The following SHOC2 variants were observed in gnomAD, a reference collection of about 807,000 sequenced individuals.
SHOC2 encodes leucine-rich repeat protein SHOC-2.
A neutral mutation model predicts 50.2 loss-of-function variants in SHOC2; 4 were observed. The ratio of observed to expected loss-of-function variants is 0.08; its 90% CI spans 0.04 to 0.18. The LOEUF (loss-of-function observed/expected upper bound fraction) is 0.18, where lower values mean the gene tolerates loss of function less well. Among genes scored for constraint, SHOC2 ranks in the 10% least tolerant of loss-of-function variants. The pLI, the probability that SHOC2 is intolerant of heterozygous loss-of-function variation, is 1.00. For missense variants in SHOC2, 388 were observed against 669.6 expected, an observed-to-expected ratio of 0.58 and a Z score of 4.64; for synonymous variants, 218 against 244.5, an observed-to-expected ratio of 0.89 and a Z score of 1.01.
At chr10:110,937,970 C>G (rs574157997) in intron 1 of SHOC2, among the ~76,000 whole-genome samples, 2 of 152,240 alleles carry the variant, frequency 1.3e-5, no homozygotes, top group African/African-American at 4.8e-5. Context: ...GATGGTGATT[C>G]TTCTTTCAAC....
chr10:110,976,520 A>G (rs1210526387), intron 2 of SHOC2, among the ~76,000 whole-genome samples: 4 of 152,026 alleles, frequency 2.6e-5, no homozygotes, highest in African/African-American at 9.7e-5. Context: ...CATATTGCCC[A>G]GAGTGGTCTT....
chr10:110,968,080 A>T (rs557959591), intron 2 of SHOC2, among the ~76,000 whole-genome samples: 18 of 152,276 alleles, frequency 1.2e-4, no homozygotes, highest in Admixed American at 5.2e-4. Flanking sequence ...TTACATTCCT[A>T]CCAGCAGTGT....
At chr10:110,927,587 A>G (rs545102161) in intron 1 of SHOC2, among the ~76,000 whole-genome samples, 2 of 152,328 alleles carry the variant, frequency 1.3e-5, no homozygotes, top group African/African-American at 4.8e-5. Context: ...CCACTAAGCA[A>G]CTGTGGGAAC....
chr10:110,966,134 C>T (rs1266457003), intron 2 of SHOC2, among the ~76,000 whole-genome samples: 1 of 151,900 alleles, frequency 6.6e-6, no homozygotes, highest in African/African-American at 2.4e-5. Context: ...TTTTGTTTAG[C>T]TTTGAAAAAA....
intron 1 of SHOC2, among the ~76,000 whole-genome samples, chr10:110,938,989 G>A (rs1009390943): frequency 1.4e-4 from 22 of 152,112 alleles, no homozygotes; most frequent in African/African-American, 4.3e-4. Flanking sequence ...CAGACTAAAA[G>A]TAATTTTTGA....
Position 110,964,834 on chromosome 10 carries a change from C to A in SHOC2, c.476C>A (p.Thr159Asn), listed in dbSNP as rs758157906. The part of the protein sequence containing the change: ...MTLALSENSL[T>N]SLPDSLDNLK... The stretch of plus-strand genomic sequence containing the variant: ...CTGGCTCTAAGTGAAAATTCACTTA[C>A]CAGTTTGCCTGACTCTCTTGATAAC... The change falls in exon 2 of 9, where the codon ACC becomes AAC. Residue 159 changes from threonine (T) to asparagine (N), a missense_variant. This residue lies in a region of SHOC2 where 88 missense variants were observed against 147.2 expected (regional missense o/e 0.60). Transcript: ENST00000369452. The surrounding 1 kb of genome is among the most constrained non-coding windows in gnomAD (Gnocchi z 4.9). 3.1e-6 allele frequency: 5 copies of A among 1,613,956 alleles called. No individual in the cohort carries two copies. Among genetic ancestry groups the A allele is most frequent in the Non-Finnish European group, 3.4e-6 (4 of 1,179,876 alleles).
intron 1 of SHOC2, among the ~76,000 whole-genome samples, chr10:110,953,151 C>A (rs894204693): frequency 2.6e-5 from 4 of 152,152 alleles, no homozygotes; most frequent in African/African-American, 9.7e-5. Flanking sequence ...CACTGTCTTC[C>A]CCAATGGTTG....
intron 5 of SHOC2, 60 bp from the exon 6 acceptor site, chr10:111,007,471 G>A: frequency 6.4e-7 from 1 of 1,571,874 alleles, no homozygotes; most frequent in Non-Finnish European, 8.7e-7. Context: ...GAAGTGACAG[G>A]TATATATAGA....
At chr10:110,957,417 G>A (rs888170689) in intron 1 of SHOC2, among the ~76,000 whole-genome samples, 3 of 151,882 alleles carry the variant, frequency 2.0e-5, no homozygotes, top group Non-Finnish European at 2.9e-5. Flanking sequence ...CTGTTATACC[G>A]ACTCTTTGAC....
intron 2 of SHOC2, among the ~76,000 whole-genome samples, chr10:110,984,541 T>C (rs1179057217): frequency 6.6e-6 from 1 of 152,174 alleles, no homozygotes; most frequent in Non-Finnish European, 1.5e-5. Flanking sequence ...TTTTATTATG[T>C]ATAGCTTAAA....
At chr10:110,958,728 CTT>C (rs79465867) in intron 1 of SHOC2, among the ~76,000 whole-genome samples, 1 of 146,228 alleles carries the variant, frequency 6.8e-6, no homozygotes. Flanking sequence ...TACTAATTTT[CTT>C]TTTTTTTTTG....
intron 5 of SHOC2, among the ~76,000 whole-genome samples, chr10:111,006,246 A>C (rs1051527171): frequency 6.6e-6 from 1 of 152,254 alleles, no homozygotes; most frequent in Non-Finnish European, 1.5e-5. Context: ...TACATAGATA[A>C]CAAGTTTAAA....
intron 1 of SHOC2, among the ~76,000 whole-genome samples, chr10:110,939,365 G>A (rs1264809994): frequency 6.6e-6 from 1 of 151,986 alleles, no homozygotes; most frequent in African/African-American, 2.4e-5. Context: ...CCATAAGCAC[G>A]TGCCACCATG....
intron 3 of SHOC2, among the ~76,000 whole-genome samples, chr10:110,998,077 C>G (rs1176022146): frequency 4.6e-5 from 7 of 151,284 alleles, no homozygotes; most frequent in Non-Finnish European, 1.0e-4. Context: ...GAGCTCACGG[C>G]AAACCTCCAC....
chr10:110,941,363 C>T (rs1847140737), intron 1 of SHOC2, among the ~76,000 whole-genome samples: 2 of 149,856 alleles, frequency 1.3e-5, no homozygotes, highest in South Asian at 4.2e-4. Context: ...TTTGCATTTT[C>T]CTCTGTTGCC....
intron 1 of SHOC2, among the ~76,000 whole-genome samples, chr10:110,963,811 T>A (rs1447819396): frequency 6.6e-6 from 1 of 152,202 alleles, no homozygotes; most frequent in African/African-American, 2.4e-5. Context: ...CTCAGAATAA[T>A]GCTAGTACAT....
At chr10:110,955,685 A>G (rs1314070459) in intron 1 of SHOC2, among the ~76,000 whole-genome samples, 7 of 152,226 alleles carry the variant, frequency 4.6e-5, no homozygotes, top group Non-Finnish European at 1.0e-4. Context: ...AGAAATACAT[A>G]ATGTGACTTT....
At chr10:110,922,638 A>G (rs1846678171) in intron 1 of SHOC2, among the ~76,000 whole-genome samples, 2 of 152,058 alleles carry the variant, frequency 1.3e-5, no homozygotes, top group South Asian at 4.1e-4. Context: ...AAAAAGCCTT[A>G]AGATTAATGC....
rs79281974 is a variant in SHOC2 at position 110,977,171 on chromosome 10, T to C, written c.704-8457T>C. ...TTTTTCACTGTCCTTGTCTTATAGT[T>C]TCCTCTTTTATTTTTGTTTTTGTTG... On this transcript the variant is annotated intron_variant, in intron 2 of 8. Coordinates refer to ENST00000369452, the MANE Select transcript of SHOC2 (RefSeq NM_007373.4). Among the ~76,000 whole-genome samples the C allele has an allele frequency of 2.6e-5, 4 of 152,246 alleles. No individual in the cohort carries two copies. In the East Asian group the frequency reaches 7.7e-4, roughly 29 times the overall value.
Sources: gnomAD v4.1 joint callset for allele counts (sites outside exome capture counted in the v4.1 genomes callset) on GRCh38, gnomAD v4.1.1 for gene constraint, gnomAD v4.1.1 regional missense constraint, Gnocchi (gnomAD v3.1) non-coding constraint, MANE v1.5 for transcripts, NCBI Gene and HGNC (gene_info 2026-07-23, HGNC 2026-07-21) for gene names.